OXCT1: variants seen among roughly 807,000 people sequenced by gnomAD.
OXCT1 encodes the protein 3-oxoacid CoA-transferase 1.
Under a neutral mutation model 69.6 loss-of-function variants are expected in OXCT1, and 27 were observed. The ratio of observed to expected loss-of-function variants is 0.39; its 90% CI spans 0.29 to 0.54. The LOEUF (loss-of-function observed/expected upper bound fraction) is 0.54, where lower values mean the gene tolerates loss of function less well. OXCT1 is among the 20% of genes least tolerant of loss of function. OXCT1 has a pLI of 0.72. For missense variants in OXCT1, 437 were observed against 650.2 expected (o/e 0.67, Z 3.57); for synonymous variants, 202 against 217.8 (o/e 0.93, Z 0.64).
In OXCT1 at chr5:41,781,195, G is replaced by A. The variant is rs966812865; in HGVS notation, c.1248+12808C>T. On this transcript the variant is annotated intron_variant, in intron 13 of 16. Transcript: ENST00000196371. Reference sequence around the variant, plus strand: ...TGGGATTACAGGTGTGAGCCACCAAGGCCGGCTTACTGTCTCCCATATCTT... The same window carrying A: ...TGGGATTACAGGTGTGAGCCACCAAAGCCGGCTTACTGTCTCCCATATCTT... Among the ~76,000 whole-genome samples the A allele has an allele frequency of 2.0e-5, 3 of 151,972 alleles. No individual in the cohort carries two copies. The East Asian group carries it at 5.8e-4, about 29-fold the overall frequency.
chr5:41,846,124 G>T (rs145946595), intron 5 of OXCT1, among the ~76,000 whole-genome samples: 35,136 of 150,454 alleles, frequency 0.23, 4,298 homozygotes, highest in Middle Eastern at 0.33. Flanking sequence ...ATGTATGTAT[G>T]TATTTATTTA....
intron 7 of OXCT1, among the ~76,000 whole-genome samples, chr5:41,834,562 A>C (rs1319823952): frequency 6.6e-6 from 1 of 152,126 alleles, no homozygotes; most frequent in Non-Finnish European, 1.5e-5. Flanking sequence ...CAAGAGAAAA[A>C]CTGTAAGAAG....
chr5:41,783,434 G>A (rs1745504706), intron 13 of OXCT1, among the ~76,000 whole-genome samples: 1 of 152,128 alleles, frequency 6.6e-6, no homozygotes, highest in Non-Finnish European at 1.5e-5. Context: ...GCAACACTAT[G>A]ATTTATCATA....
rs1437900805 is a variant in OXCT1, at chr5:41,861,384, G to C, written c.208C>G (p.Pro70Ala). 1 of 1,611,112 alleles carries C rather than the reference G, an allele frequency of 6.2e-7. No homozygotes were observed. The highest frequency in any genetic ancestry group is 1.3e-5 in the African/African-American group (1 of 74,954). Residue 70 changes from proline to alanine, a missense_variant, in exon 3 of 17, where the codon CCA (proline) becomes GCA (alanine). Coordinates refer to ENST00000196371, the MANE Select transcript of OXCT1 (RefSeq NM_000436.4). ...LVGGFGLCGI[P>A]ENLIDALLKT... ...AGTAAAGCATCTATAAGATTCTCTG[G>C]AATTCCACATAGCCCAAAACCTATA...
At chr5:41,773,202 A>G (rs1158128131) in intron 13 of OXCT1, among the ~76,000 whole-genome samples, 2 of 152,024 alleles carry the variant, frequency 1.3e-5, no homozygotes, top group African/African-American at 2.4e-5. Context: ...AAGATGGGGG[A>G]AAAAAAGTGA....
chr5:41,756,542 G>T (rs1030732648), intron 14 of OXCT1, among the ~76,000 whole-genome samples: 1 of 152,122 alleles, frequency 6.6e-6, no homozygotes, highest in Middle Eastern at 3.2e-3. Flanking sequence ...ACAGAAGCAT[G>T]TAACAACTTG....
chr5:41,774,636 C>T (rs531252436), intron 13 of OXCT1, among the ~76,000 whole-genome samples: 1 of 152,220 alleles, frequency 6.6e-6, no homozygotes, highest in African/African-American at 2.4e-5. Flanking sequence ...TGGCTCATGC[C>T]TGTAATCCCA....
intron 5 of OXCT1, among the ~76,000 whole-genome samples, chr5:41,849,783 A>G (rs1749092539): frequency 6.6e-6 from 1 of 152,158 alleles, no homozygotes; most frequent in South Asian, 2.1e-4. Context: ...AGTTCAAGTA[A>G]CTAACCTTGA....
At chr5:41,736,671 G>C (rs553473504) in intron 16 of OXCT1, among the ~76,000 whole-genome samples, 17 of 152,192 alleles carry the variant, frequency 1.1e-4, no homozygotes, top group African/African-American at 3.9e-4. Flanking sequence ...TGTAGCTTTT[G>C]CCCATTCACT....
At chr5:41,786,440 A>G (rs371362313) in intron 13 of OXCT1, among the ~76,000 whole-genome samples, 1 of 152,220 alleles carries the variant, frequency 6.6e-6, no homozygotes, top group Non-Finnish European at 1.5e-5. Flanking sequence ...GAGAAAAAGC[A>G]AAAGCATACT....
chr5:41,807,462 A>T, intron 7 of OXCT1, 24 bp from the exon 8 acceptor site: 1 of 1,292,138 alleles, frequency 7.7e-7, no homozygotes. Flanking sequence ...AATTTCTTTC[A>T]AAGTTAGTGA....
chr5:41,868,148 T>C (rs1162962135), intron 1 of OXCT1, among the ~76,000 whole-genome samples: 1 of 152,240 alleles, frequency 6.6e-6, no homozygotes, highest in Non-Finnish European at 1.5e-5. Flanking sequence ...CTGCCCATTA[T>C]AAAAATGTTA....
At chr5:41,847,809 C>A (rs1748994434) in intron 5 of OXCT1, among the ~76,000 whole-genome samples, 1 of 150,832 alleles carries the variant, frequency 6.6e-6, no homozygotes. Flanking sequence ...TATGACAAAC[C>A]CACAGCCAAT....
At chr5:41,819,947 C>T (rs1457732297) in intron 7 of OXCT1, among the ~76,000 whole-genome samples, 1 of 152,028 alleles carries the variant, frequency 6.6e-6, no homozygotes, top group Non-Finnish European at 1.5e-5. Context: ...CAATCAAGTT[C>T]TTATCCTGGG....
chr5:41,791,926 C>A (rs1257789328), intron 13 of OXCT1, among the ~76,000 whole-genome samples: 1 of 152,176 alleles, frequency 6.6e-6, no homozygotes, highest in East Asian at 1.9e-4. Flanking sequence ...GCCTCAGCCT[C>A]TCGAGTAGCT....
chr5:41,753,177 TA>T (rs932782553), intron 14 of OXCT1, among the ~76,000 whole-genome samples: 19 of 152,220 alleles, frequency 1.2e-4, no homozygotes, highest in African/African-American at 4.3e-4. Flanking sequence ...TTCATGTCAA[TA>T]CATTCACCTG....
At chr5:41,749,216 C>T (rs908445187) in intron 15 of OXCT1, among the ~76,000 whole-genome samples, 1 of 152,046 alleles carries the variant, frequency 6.6e-6, no homozygotes, top group African/African-American at 2.4e-5. Flanking sequence ...ATATTCATAA[C>T]TTTGCATATA....
chr5:41,775,066 T>A (rs922773792), intron 13 of OXCT1, among the ~76,000 whole-genome samples: 2 of 152,064 alleles, frequency 1.3e-5, no homozygotes, highest in African/African-American at 4.8e-5. Flanking sequence ...ACATAATACT[T>A]CTTCAACTGT....
chr5:41,855,366 T>C (rs1749382138), intron 3 of OXCT1, among the ~76,000 whole-genome samples: 1 of 152,208 alleles, frequency 6.6e-6, no homozygotes, highest in South Asian at 2.1e-4. Flanking sequence ...GTGCAGCTTG[T>C]AAAACTCCAT....
Sources: gnomAD v4.1 joint callset for allele counts (sites outside exome capture counted in the v4.1 genomes callset) on GRCh38, gnomAD v4.1.1 for gene constraint, MANE v1.5 for transcripts, NCBI Gene and HGNC (gene_info 2026-07-23, HGNC 2026-07-21) for gene names.